The following PPFIA2 variants were observed in gnomAD, a reference collection of about 807,000 sequenced individuals.
PPFIA2 encodes the protein liprin-alpha-2.
PPFIA2 carries 46 observed loss-of-function variants against 175.5 expected under a neutral mutation model. That is an observed-to-expected ratio of 0.26 (90% CI 0.21 to 0.34). The LOEUF (loss-of-function observed/expected upper bound fraction) is 0.34. Ranked by LOEUF, PPFIA2 falls within the 10% of genes least tolerant of loss-of-function variation. PPFIA2 has a pLI of 1.00. For synonymous variants in PPFIA2, 568 were observed against 511.4 expected, an observed-to-expected ratio of 1.11 and a Z score of -1.49; for missense variants, 1,179 against 1,506.1, an observed-to-expected ratio of 0.78 and a Z score of 3.60.
In PPFIA2 at chr12:81,258,412, A is replaced by G. The variant is rs2034418881; in HGVS notation, c.*1282T>C. Reference sequence around the variant, plus strand: ...TTAAAATACAGAAAAGAAATTACTAATGACAGGTCTTGCGCTTAATAAGAT... The same window carrying G: ...TTAAAATACAGAAAAGAAATTACTAGTGACAGGTCTTGCGCTTAATAAGAT... On this transcript the variant is annotated 3_prime_UTR_variant, in exon 33 of 33. Coordinates refer to ENST00000549396, the MANE Select transcript of PPFIA2 (RefSeq NM_003625.5). 1 of 152,166 alleles carries G rather than the reference A, an allele frequency of 6.6e-6. No homozygotes were observed. Among genetic ancestry groups the G allele is most frequent in the Admixed American group, 6.6e-5 (1 of 15,258 alleles). 9.4% of individuals were successfully genotyped at this position (152,166 alleles called of 1,614,324 possible). A position where few individuals can be genotyped will look rare whatever the true frequency, so the allele number is the denominator to read the frequency against.
At chr12:81,488,148 T>A (rs1031989578) in intron 4 of PPFIA2, among the ~76,000 whole-genome samples, 8 of 151,996 alleles carry the variant, frequency 5.3e-5, no homozygotes, top group African/African-American at 1.7e-4. Context: ...TTCCTGTTAT[T>A]TTATTATTCC....
At chr12:81,497,530 C>CTTTTT (rs34030284) in intron 4 of PPFIA2, among the ~76,000 whole-genome samples, 1 of 66,184 alleles carries the variant, frequency 1.5e-5, no homozygotes, top group Non-Finnish European at 3.0e-5. Context: ...TCATTGATGT[C>CTTTTT]TTTTTTTTTT....
intron 24 of PPFIA2, chr12:81,294,549 T>C (rs1565965604): frequency 1.8e-5 from 5 of 276,600 alleles, no homozygotes; most frequent in South Asian, 1.3e-4. Flanking sequence ...AAGGAAGGAA[T>C]TGAAAAAAGA....
intron 21 of PPFIA2, among the ~76,000 whole-genome samples, chr12:81,337,801 A>T (rs1282654822): frequency 6.6e-6 from 1 of 152,184 alleles, no homozygotes; most frequent in East Asian, 1.9e-4. Context: ...TATATTGGAT[A>T]TGACAGATCA....
chr12:81,313,737 A>G (rs2051566815), intron 22 of PPFIA2, among the ~76,000 whole-genome samples: 1 of 152,102 alleles, frequency 6.6e-6, no homozygotes, highest in African/African-American at 2.4e-5. Flanking sequence ...AAAATTGCCA[A>G]AAGCATTTGG....
At chr12:81,351,122 A>C (rs1177642084) in intron 17 of PPFIA2, among the ~76,000 whole-genome samples, 4 of 152,160 alleles carry the variant, frequency 2.6e-5, no homozygotes, top group African/African-American at 9.7e-5. Flanking sequence ...AACATTTCTC[A>C]ATATTTGAAA....
chr12:81,290,483 T>C (rs983871958), intron 24 of PPFIA2, among the ~76,000 whole-genome samples: 4 of 151,778 alleles, frequency 2.6e-5, no homozygotes, highest in Admixed American at 2.0e-4. Context: ...GAGACACAAC[T>C]TAACTTGTCT....
chr12:81,492,312 T>C (rs757614898), intron 4 of PPFIA2, among the ~76,000 whole-genome samples: 51 of 152,078 alleles, frequency 3.4e-4, no homozygotes, highest in Non-Finnish European at 5.6e-4. Context: ...CCAGGCATTC[T>C]GCCAGAAAAT....
At chr12:81,273,882 CG>C (rs1347614295) in intron 28 of PPFIA2, among the ~76,000 whole-genome samples, 1 of 149,154 alleles carries the variant, frequency 6.7e-6, no homozygotes, top group Non-Finnish European at 1.5e-5. Context: ...TCTTTCTCCC[CG>C]CCCCCCCCCA....
chr12:81,556,212 C>T (rs1461458835), intron 4 of PPFIA2, among the ~76,000 whole-genome samples: 3 of 151,656 alleles, frequency 2.0e-5, no homozygotes, highest in Non-Finnish European at 2.9e-5. Flanking sequence ...TTAATTAGAC[C>T]AATACTTTGA....
At chr12:81,604,176 T>C (rs1220553177) in intron 4 of PPFIA2, among the ~76,000 whole-genome samples, 2 of 151,096 alleles carry the variant, frequency 1.3e-5, no homozygotes, top group Admixed American at 6.6e-5. Flanking sequence ...TGATTTCCAG[T>C]GGGTGACCAT....
At chr12:81,715,305 T>C (rs1055751435) in intron 3 of PPFIA2, among the ~76,000 whole-genome samples, 2 of 151,888 alleles carry the variant, frequency 1.3e-5, no homozygotes, top group Admixed American at 1.3e-4. Flanking sequence ...TAAGAGAATT[T>C]AATTATATCA....
intron 8 of PPFIA2, among the ~76,000 whole-genome samples, chr12:81,385,596 T>G (rs1328148599): frequency 1.3e-5 from 2 of 152,116 alleles, no homozygotes; most frequent in African/African-American, 4.8e-5. Flanking sequence ...CTAAGTGAAA[T>G]AAGCCAGGCA....
rs1431998483 is a variant in PPFIA2 at position 81,384,134 on chromosome 12, T to G, written c.873A>C (p.Leu291Phe). ...NYEMAQMKER[L>F]AALSSRVGEV... ...CTCCCACTCGGGAAGAAAGGGCTGC[T>G]AAACGTTCTTTCATCTGGGCCATTT... Residue 291 changes from leucine (L) to phenylalanine (F), a missense_variant, in exon 9 of 33, where the codon TTA becomes TTC. This residue lies in a region of PPFIA2 where 226 missense variants were observed against 216.6 expected (regional missense o/e 1.04). Transcript: ENST00000549396. The G allele has an allele frequency of 6.2e-7, 1 of 1,613,076 alleles. No homozygotes were observed. Among genetic ancestry groups the G allele is most frequent in the Non-Finnish European group, 8.5e-7 (1 of 1,179,378 alleles).
intron 8 of PPFIA2, among the ~76,000 whole-genome samples, chr12:81,387,501 A>C (rs911346217): frequency 6.6e-6 from 1 of 152,132 alleles, no homozygotes; most frequent in African/African-American, 2.4e-5. Flanking sequence ...TGTAAGTCCA[A>C]TAACCTAAAC....
chr12:81,267,251 A>G, intron 29 of PPFIA2: 1 of 577,122 alleles, frequency 1.7e-6, no homozygotes, highest in South Asian at 1.6e-5. Flanking sequence ...TAAACATCTG[A>G]GGTCAAGAGG....
At chr12:81,502,549 A>G (rs2060695452) in intron 4 of PPFIA2, among the ~76,000 whole-genome samples, 1 of 152,192 alleles carries the variant, frequency 6.6e-6, no homozygotes, top group South Asian at 2.1e-4. Flanking sequence ...TTTAAGGGAA[A>G]CATGTAGTGG....
chr12:81,375,692 A>G, intron 10 of PPFIA2, 104 bp downstream of exon 10: 1 of 1,163,342 alleles, frequency 8.6e-7, no homozygotes, highest in Non-Finnish European at 1.2e-6. Context: ...TTAGAGAATG[A>G]TTACTCAAAC....
rs2047492080 is a variant in PPFIA2 at position 81,300,291 on chromosome 12, T to C, written c.2643-909A>G. Among the ~76,000 whole-genome samples the C allele has an allele frequency of 2.6e-5, 4 of 152,166 alleles. No individual in the cohort carries two copies. The South Asian group carries it at 8.3e-4, about 31-fold the overall frequency. On this transcript the variant is annotated intron_variant, in intron 22 of 32. Coordinates refer to ENST00000549396, the MANE Select transcript of PPFIA2 (RefSeq NM_003625.5). Reference sequence around the variant, plus strand: ...TTCTCTTTACTTTAGTATGCCTTGATCTTACACATAGATGATAAAAACATG... The same window carrying C: ...TTCTCTTTACTTTAGTATGCCTTGACCTTACACATAGATGATAAAAACATG...
Sources: allele counts gnomAD v4.1 joint callset (sites outside exome capture counted in the v4.1 genomes callset), GRCh38; gene constraint gnomAD v4.1.1; regional missense constraint gnomAD v4.1.1; transcripts MANE v1.5; gene names NCBI Gene and HGNC (gene_info 2026-07-23, HGNC 2026-07-21).